The following ERBB4 variants were observed in gnomAD, a reference collection of about 807,000 sequenced individuals.
The protein encoded by ERBB4 is erb-b2 receptor tyrosine kinase 4.
Under a neutral mutation model 158.0 loss-of-function variants are expected in ERBB4, and 42 were observed. That is an observed-to-expected ratio of 0.27 (90% CI 0.21 to 0.34). ERBB4 has a LOEUF of 0.34. Among genes scored for constraint, ERBB4 ranks in the 10% least tolerant of loss-of-function variants. The pLI is 1.00. For missense variants in ERBB4, 1,333 were observed against 1,624.1 expected, an observed-to-expected ratio of 0.82 and a Z score of 3.08; for synonymous variants, 583 against 558.7, an observed-to-expected ratio of 1.04 and a Z score of -0.61.
chr2:211,990,387 C>G, intron 2 of ERBB4, among the ~76,000 whole-genome samples: 1 of 151,846 alleles, frequency 6.6e-6, no homozygotes, highest in Admixed American at 6.6e-5. Context: ...TATAAATGTT[C>G]CTTGAAAGCT....
chr2:211,765,101 C>A lies in ERBB4; in HGVS notation c.557-14397G>T, dbSNP rs77143894. Among the ~76,000 whole-genome samples the A allele has an allele frequency of 3.5e-3, 532 of 152,170 alleles. 2 individuals carry two copies. Among genetic ancestry groups the A allele is most frequent in the African/African-American group, 0.012 (507 of 41,506 alleles). ...CCCTCCCCATCTCACTCCCTCGCCT[C>A]ACAATATTTTAATCTATTATTCCAA... On this transcript the variant is annotated intron_variant, in intron 4 of 27. Transcript: ENST00000342788.
intron 2 of ERBB4, among the ~76,000 whole-genome samples, chr2:212,066,136 T>G (rs1211622273): frequency 2.0e-5 from 3 of 151,926 alleles, no homozygotes; most frequent in Non-Finnish European, 4.4e-5. Context: ...CGATTAGGCC[T>G]CGAAAGACTC....
At chr2:211,640,693 T>C (rs1413958927) in intron 16 of ERBB4, among the ~76,000 whole-genome samples, 4 of 152,128 alleles carry the variant, frequency 2.6e-5, no homozygotes, top group East Asian at 1.9e-4. Context: ...AGTTGTAAGA[T>C]AGATAAGCAG....
intron 3 of ERBB4, among the ~76,000 whole-genome samples, chr2:211,848,562 T>C (rs758960768): frequency 6.6e-6 from 1 of 152,042 alleles, no homozygotes; most frequent in Non-Finnish European, 1.5e-5. Flanking sequence ...TGTATCCTCA[T>C]GTATAATTGT....
chr2:211,553,429 C>G (rs2067157007), intron 20 of ERBB4, among the ~76,000 whole-genome samples: 2 of 152,100 alleles, frequency 1.3e-5, no homozygotes, highest in Non-Finnish European at 2.9e-5. Flanking sequence ...CTCTCCTCAG[C>G]CTGGTATGGT....
At chr2:212,530,298 C>G (rs1033672710) in intron 1 of ERBB4, among the ~76,000 whole-genome samples, 3 of 152,078 alleles carry the variant, frequency 2.0e-5, no homozygotes, top group Non-Finnish European at 4.4e-5. Flanking sequence ...CTGCTCTGTT[C>G]TAGACAAAAT....
chr2:211,764,349 T>C (rs1259814026), intron 4 of ERBB4, among the ~76,000 whole-genome samples: 1 of 152,218 alleles, frequency 6.6e-6, no homozygotes, highest in African/African-American at 2.4e-5. Context: ...AAATATCAGT[T>C]CTATTACCTA....
In ERBB4 at chr2:212,165,148, A is replaced by G. The variant is rs541021257; in HGVS notation, c.83-40245T>C. 3.9e-5 allele frequency among the ~76,000 whole-genome samples: 6 copies of G among 152,068 alleles called. No homozygotes were observed. In the East Asian group the frequency reaches 1.2e-3, roughly 30 times the overall value. On this transcript the variant is annotated intron_variant, in intron 1 of 27. Transcript: ENST00000342788. Reference sequence around the variant, plus strand: ...TGAATTTTCCTATTTCATTCCTAATAAAAGAACCTTTATTTGGTCAGGTAA... The same window carrying G: ...TGAATTTTCCTATTTCATTCCTAATGAAAGAACCTTTATTTGGTCAGGTAA...
chr2:211,966,348 T>C (rs1381408167), intron 2 of ERBB4, among the ~76,000 whole-genome samples: 3 of 152,100 alleles, frequency 2.0e-5, no homozygotes, highest in Non-Finnish European at 4.4e-5. Flanking sequence ...TTCAAGTGAT[T>C]CTCCTGCCTC....
chr2:212,199,019 T>C (rs1026409434), intron 1 of ERBB4, among the ~76,000 whole-genome samples: 6 of 152,176 alleles, frequency 3.9e-5, no homozygotes, highest in African/African-American at 1.2e-4. Context: ...GCTCTTGAAA[T>C]AGAAGTGGAA....
chr2:211,597,551 A>G (rs746630317), intron 19 of ERBB4, among the ~76,000 whole-genome samples: 2 of 152,186 alleles, frequency 1.3e-5, no homozygotes, highest in Non-Finnish European at 2.9e-5. Flanking sequence ...GTTTTGTAAT[A>G]TAACAAATTG....
intron 2 of ERBB4, among the ~76,000 whole-genome samples, chr2:212,112,156 G>A (rs2079430336): frequency 6.6e-6 from 1 of 152,034 alleles, no homozygotes; most frequent in Non-Finnish European, 1.5e-5. Flanking sequence ...TCCGGAATAG[G>A]TAGGAGCACA....
intron 2 of ERBB4, among the ~76,000 whole-genome samples, chr2:211,965,027 A>G (rs1354229393): frequency 1.3e-5 from 2 of 152,218 alleles, no homozygotes; most frequent in Non-Finnish European, 2.9e-5. Context: ...CAGTTCCTCC[A>G]CACAGACTAT....
At chr2:212,134,907 C>T (rs1057427800) in intron 1 of ERBB4, among the ~76,000 whole-genome samples, 4 of 151,818 alleles carry the variant, frequency 2.6e-5, no homozygotes, top group African/African-American at 7.3e-5. Flanking sequence ...AGGATGGTCT[C>T]GATCTCCTGA....
chr2:212,344,795 C>A (rs1248251740), intron 1 of ERBB4, among the ~76,000 whole-genome samples: 1 of 152,000 alleles, frequency 6.6e-6, no homozygotes, highest in Non-Finnish European at 1.5e-5. Context: ...AGAGCCCTGG[C>A]TTTCAAATCA....
At chr2:212,368,865 TATTAATAGCA>T (rs772093945) in intron 1 of ERBB4, among the ~76,000 whole-genome samples, 2 of 152,154 alleles carry the variant, frequency 1.3e-5, no homozygotes, top group Non-Finnish European at 2.9e-5. Flanking sequence ...GTTTTAGTAC[TATTAATAGCA>T]CCGTAGGTCC....
intron 1 of ERBB4, among the ~76,000 whole-genome samples, chr2:212,170,682 C>T (rs992269335): frequency 5.9e-5 from 9 of 152,106 alleles, no homozygotes; most frequent in Admixed American, 2.0e-4. Flanking sequence ...TTAAAAGGTG[C>T]CAATATACTC....
At chr2:212,218,580 A>G (rs2083182249) in intron 1 of ERBB4, among the ~76,000 whole-genome samples, 1 of 151,388 alleles carries the variant, frequency 6.6e-6, no homozygotes, top group Non-Finnish European at 1.5e-5. Context: ...GAGCTAGTCA[A>G]CCAGCTAATT....
intron 2 of ERBB4, among the ~76,000 whole-genome samples, chr2:212,023,211 T>C (rs2076695607): frequency 3.3e-5 from 5 of 152,104 alleles, no homozygotes; most frequent in Admixed American, 3.3e-4. Flanking sequence ...ATGAGTTATA[T>C]TTATATCTCA....
Sources: allele counts gnomAD v4.1 joint callset (sites outside exome capture counted in the v4.1 genomes callset), GRCh38; gene constraint gnomAD v4.1.1; transcripts MANE v1.5; gene names NCBI Gene and HGNC (gene_info 2026-07-23, HGNC 2026-07-21).